Variants in CNOT10 observed in about 807,000 individuals in gnomAD.
The protein encoded by CNOT10 is CCR4-NOT transcription complex, subunit 10.
In CNOT10, 30 loss-of-function variants were observed where a neutral mutation model predicts 94.6. The ratio of observed to expected loss-of-function variants is 0.32; its 90% CI spans 0.24 to 0.43. The LOEUF (loss-of-function observed/expected upper bound fraction) is 0.43, where lower values mean the gene tolerates loss of function less well. Ranked by LOEUF, CNOT10 falls within the 20% of genes least tolerant of loss-of-function variation. The pLI is 1.00. For missense variants in CNOT10, 759 were observed against 877.2 expected (o/e 0.87, Z 1.70); for synonymous variants, 289 against 301.6 (o/e 0.96, Z 0.43).
chr3:32,751,723 G>A (rs906116648), intron 13 of CNOT10, among the ~76,000 whole-genome samples: 2 of 152,138 alleles, frequency 1.3e-5, no homozygotes, highest in African/African-American at 4.8e-5. Context: ...TGATATTGTA[G>A]CCCATAAGAC....
At chr3:32,687,137 G>A (rs1343958936) in intron 1 of CNOT10, among the ~76,000 whole-genome samples, 2 of 152,140 alleles carry the variant, frequency 1.3e-5, no homozygotes, top group African/African-American at 4.8e-5. Flanking sequence ...TGAGTGTTTA[G>A]TGTAGCTCCT....
intron 1 of CNOT10, 81 bp downstream of exon 1, chr3:32,685,563 C>T (rs1575189704): frequency 1.4e-6 from 2 of 1,476,658 alleles, no homozygotes; most frequent in East Asian, 2.5e-5. Flanking sequence ...CGGCGGGGCC[C>T]GGGGTGGGGA....
intron 1 of CNOT10, among the ~76,000 whole-genome samples, chr3:32,688,369 G>A (rs1382061425): frequency 6.6e-6 from 1 of 151,446 alleles, no homozygotes. Flanking sequence ...GAGGCTGAGG[G>A]GGGTGGATCA....
intron 1 of CNOT10, among the ~76,000 whole-genome samples, chr3:32,691,297 G>T (rs912573753): frequency 5.9e-5 from 9 of 151,924 alleles, no homozygotes; most frequent in African/African-American, 1.9e-4. Context: ...GTGTAGCTGG[G>T]ACTACAGGTG....
chr3:32,760,611 GA>G, intron 14 of CNOT10, among the ~76,000 whole-genome samples: 1 of 152,160 alleles, frequency 6.6e-6, no homozygotes, highest in Non-Finnish European at 1.5e-5. Context: ...CAGGCGGAGT[GA>G]CACAGCAAGA....
chr3:32,686,401 C>T (rs1244432647), intron 1 of CNOT10, among the ~76,000 whole-genome samples: 1 of 152,108 alleles, frequency 6.6e-6, no homozygotes, highest in Non-Finnish European at 1.5e-5. Context: ...AGGTTCTGGT[C>T]ACAATAACTG....
At chr3:32,718,086 A>T (rs1698202728) in intron 7 of CNOT10, among the ~76,000 whole-genome samples, 1 of 151,944 alleles carries the variant, frequency 6.6e-6, no homozygotes. Context: ...TGCTTCTAGA[A>T]AAACTATAAA....
At position 32,762,848 on chromosome 3, in the gene CNOT10, A is replaced by G. The variant is rs767744506; in HGVS notation, c.1825A>G (p.Asn609Asp). The G allele has an allele frequency of 1.9e-6, 3 of 1,556,440 alleles. No individual in the cohort carries two copies. The highest frequency in any genetic ancestry group is 1.4e-5 in the African/African-American group (1 of 71,056). ...TGATGTCTCCTTAGGGATCTCTTCAAATGAGCAGGACCAAGGTTAATGAGG... is the reference window on the plus strand; with the variant it reads ...TGATGTCTCCTTAGGGATCTCTTCAGATGAGCAGGACCAAGGTTAATGAGG... ...VTDVSLGISS[N>D]EQDQGSDKGE... The change falls in exon 15 of 19, where the codon AAT becomes GAT. Residue 609 changes from asparagine (N) to aspartate (D), a missense_variant. By Grantham distance (23) the Asn-to-Asp change is conservative. Coordinates refer to ENST00000328834, the MANE Select transcript of CNOT10 (RefSeq NM_015442.3).
intron 10 of CNOT10, among the ~76,000 whole-genome samples, chr3:32,728,490 G>A (rs866258945): frequency 2.0e-5 from 3 of 151,984 alleles, no homozygotes; most frequent in Non-Finnish European, 2.9e-5. Context: ...GTGAGCGCCT[G>A]TAGTCCCAGC....
chr3:32,703,906 T>C lies in CNOT10; in HGVS notation c.61T>C (p.Ser21Pro). 4 of 1,613,944 alleles carry C rather than the reference T, an allele frequency of 2.5e-6. No homozygotes were observed. The highest frequency in any genetic ancestry group is 1.3e-5 in the African/African-American group (1 of 75,034). Residue 21 changes from serine (S) to proline (P), a missense_variant, in exon 2 of 19, where the codon TCT becomes CCT. Ser to Pro is a moderately conservative substitution (Grantham distance 74). Transcript: ENST00000328834. ...GAAACATGAAGGCACAGGTCAGTCCTCTGGGATCACTGATCAAGAGAAGGA... is the reference window on the plus strand; with the variant it reads ...GAAACATGAAGGCACAGGTCAGTCCCCTGGGATCACTGATCAAGAGAAGGA... The part of the protein sequence containing the change: ...AEKHEGTGQS[S>P]GITDQEKELS...
chr3:32,710,403 C>T (rs549910258), intron 4 of CNOT10, among the ~76,000 whole-genome samples: 19 of 151,920 alleles, frequency 1.3e-4, no homozygotes, highest in Admixed American at 9.2e-4. Context: ...TCTGCCCCAA[C>T]ACATCCATAG....
Position 32,713,340 on chromosome 3 carries a change from G to A in CNOT10, c.544G>A (p.Gly182Ser), listed in dbSNP as rs778909170. The change falls in exon 5 of 19, where the codon GGT becomes AGT. Residue 182 changes from glycine to serine, a missense_variant. Around this residue, in one of 3 missense-constraint regions of CNOT10, gnomAD observed 682 missense variants for 799.4 expected, o/e 0.85. Transcript: ENST00000328834. ...LAVLEKMISQ[G>S]NNNKNGKNET... ...TGTCCTAGAAAAAATGATTTCACAGGGTAACAATAACAAAAATGGAAAGAA... is the reference window on the plus strand; with the variant it reads ...TGTCCTAGAAAAAATGATTTCACAGAGTAACAATAACAAAAATGGAAAGAA... 21 of 1,596,098 alleles carry A rather than the reference G, an allele frequency of 1.3e-5. No homozygotes were observed. Among genetic ancestry groups the A allele is most frequent in the Non-Finnish European group, 1.6e-5 (19 of 1,175,638 alleles).
At chr3:32,761,959 A>G (rs1169407625) in intron 14 of CNOT10, among the ~76,000 whole-genome samples, 1 of 150,734 alleles carries the variant, frequency 6.6e-6, no homozygotes, top group Non-Finnish European at 1.5e-5. Context: ...TTTAGTAGAG[A>G]TGGGGTTTCT....
Position 32,697,450 on chromosome 3 carries a change from T to C in CNOT10, c.23-6418T>C, listed in dbSNP as rs7375111. 2.6e-4 allele frequency among the ~76,000 whole-genome samples: 40 copies of C among 152,010 alleles called. No homozygotes were observed. In the East Asian group the frequency reaches 7.4e-3, roughly 28 times the overall value. ...TCATCTAATCTAGGGCATATTTTAC[T>C]TATTTATTTTATTCATATCTTTTAT... On this transcript the variant is annotated intron_variant, in intron 1 of 18. Transcript: ENST00000328834.
At chr3:32,723,482 AAAAT>A (rs1176932718) in intron 8 of CNOT10, among the ~76,000 whole-genome samples, 1 of 152,218 alleles carries the variant, frequency 6.6e-6, no homozygotes, top group Non-Finnish European at 1.5e-5. Context: ...TTAACATTTA[AAAAT>A]AAATAAAAGC....
intron 13 of CNOT10, among the ~76,000 whole-genome samples, chr3:32,751,134 T>C (rs1449978315): frequency 1.3e-5 from 2 of 152,212 alleles, no homozygotes; most frequent in East Asian, 3.9e-4. Flanking sequence ...AGGGTCTTGC[T>C]CTGTCGCCCA....
At chr3:32,720,305 A>G (rs1221260837) in intron 8 of CNOT10, 74 bp downstream of exon 8, 4 of 627,144 alleles carry the variant, frequency 6.4e-6, no homozygotes, top group Non-Finnish European at 1.2e-5. Context: ...CCACCTCCCA[A>G]CACCCAGTCT....
At chr3:32,753,231 A>G in intron 13 of CNOT10, 1 of 740,448 alleles carries the variant, frequency 1.4e-6, no homozygotes, top group South Asian at 1.4e-5. Context: ...CAAAAATTAG[A>G]TAGTGCAGAT....
chr3:32,729,525 C>T (rs1432020245), intron 10 of CNOT10, among the ~76,000 whole-genome samples: 5 of 152,186 alleles, frequency 3.3e-5, no homozygotes, highest in South Asian at 2.1e-4. Flanking sequence ...GCTCTCCTCC[C>T]GCTGAACAGC....
Sources: gnomAD v4.1 joint callset for allele counts (sites outside exome capture counted in the v4.1 genomes callset) on GRCh38, gnomAD v4.1.1 for gene constraint, gnomAD v4.1.1 regional missense constraint, MANE v1.5 for transcripts, NCBI Gene and HGNC (gene_info 2026-07-23, HGNC 2026-07-21) for gene names.